The following PTPN3 variants were observed in gnomAD, a reference collection of about 807,000 sequenced individuals.
PTPN3 encodes tyrosine-protein phosphatase non-receptor type 3.
Under a neutral mutation model 132.7 loss-of-function variants are expected in PTPN3, and 96 were observed. The ratio of observed to expected loss-of-function variants is 0.72; its 90% confidence interval spans 0.61 to 0.86. The LOEUF (loss-of-function observed/expected upper bound fraction) is 0.86, where lower values mean the gene tolerates loss of function less well. PTPN3 is among the 40% of genes least tolerant of loss of function. The probability of loss-of-function intolerance (pLI) is 0.00; values close to 1 mark genes in which losing one functional copy is unlikely to be tolerated. For missense variants in PTPN3, 1,125 were observed against 1,159.6 expected (o/e 0.97, Z 0.43); for synonymous variants, 398 against 429.0 (o/e 0.93, Z 0.89).
chr9:109,511,001 G>A, the PTPN3 span, among the ~76,000 whole-genome samples: 1 of 152,080 alleles, frequency 6.6e-6, no homozygotes, highest in Non-Finnish European at 1.5e-5. Flanking sequence ...AAAAATCCAT[G>A]TAATCAATAT....
the PTPN3 span, among the ~76,000 whole-genome samples, chr9:109,505,772 CAG>C: frequency 6.7e-6 from 1 of 149,612 alleles, no homozygotes; most frequent in Non-Finnish European, 1.5e-5. Flanking sequence ...TTTTTTGAGA[CAG>C]AATCTCGCTC....
chr9:109,417,054 G>A (rs1350257003), intron 14 of PTPN3, among the ~76,000 whole-genome samples: 2 of 152,150 alleles, frequency 1.3e-5, no homozygotes, highest in Non-Finnish European at 2.9e-5. Context: ...TTTCTGCCAT[G>A]AAAGAAACTT....
chr9:109,521,887 A>G, the PTPN3 span, among the ~76,000 whole-genome samples: 1 of 152,232 alleles, frequency 6.6e-6, no homozygotes, highest in African/African-American at 2.4e-5. Flanking sequence ...TGAAAATCAT[A>G]GAAGGGACTC....
chr9:109,525,162 C>T, the PTPN3 span, among the ~76,000 whole-genome samples: 1 of 152,296 alleles, frequency 6.6e-6, no homozygotes, highest in East Asian at 1.9e-4. Flanking sequence ...AGTGATCCTT[C>T]TGCTTCAGCC....
intron 1 of PTPN3, among the ~76,000 whole-genome samples, chr9:109,492,959 C>T (rs1847526685): frequency 6.6e-6 from 1 of 152,214 alleles, no homozygotes; most frequent in Non-Finnish European, 1.5e-5. Context: ...TCTTTGTTTT[C>T]CAAACCAAAG....
intron 1 of PTPN3, among the ~76,000 whole-genome samples, chr9:109,469,785 G>A (rs1402513222): frequency 1.3e-5 from 2 of 152,100 alleles, no homozygotes; most frequent in East Asian, 1.9e-4. Context: ...TGAATCATGG[G>A]TGGCTCACTA....
chr9:109,407,496 A>G (rs997136494), intron 17 of PTPN3, among the ~76,000 whole-genome samples: 1 of 152,166 alleles, frequency 6.6e-6, no homozygotes, highest in African/African-American at 2.4e-5. Flanking sequence ...ATGCACAATA[A>G]AAAAATTAAA....
intron 1 of PTPN3, among the ~76,000 whole-genome samples, chr9:109,489,514 T>C (rs553288042): frequency 6.6e-6 from 1 of 152,276 alleles, no homozygotes; most frequent in African/African-American, 2.4e-5. Flanking sequence ...CGGATTTACC[T>C]AGGGCAGTCC....
intron 12 of PTPN3, among the ~76,000 whole-genome samples, chr9:109,426,328 A>T (rs1479695104): frequency 6.6e-6 from 1 of 150,440 alleles, no homozygotes; most frequent in Non-Finnish European, 1.5e-5. Context: ...ATAAATTTAC[A>T]TCCATTTCTT....
chr9:109,486,846 G>C (rs1243329925), intron 1 of PTPN3, among the ~76,000 whole-genome samples: 1 of 152,088 alleles, frequency 6.6e-6, no homozygotes. Context: ...GAGTTCTCAC[G>C]AGATCTGATG....
chr9:109,449,904 T>C (rs1845135774), intron 5 of PTPN3: 8 of 985,476 alleles, frequency 8.1e-6, no homozygotes, highest in Non-Finnish European at 9.6e-6. Flanking sequence ...ACCTCCTATT[T>C]GCACAGTTCC....
Position 109,406,401 on chromosome 9 carries a change from G to C in PTPN3, c.1792+61C>G, listed in dbSNP as rs1187588023. On this transcript the variant is annotated intron_variant, in intron 18 of 25. Coordinates refer to ENST00000374541, the MANE Select transcript of PTPN3 (RefSeq NM_002829.4). ...ATTTTCAAGAGCAGATAAAGGGCTG[G>C]AGCAGGCGCAGCTTGGCTAGGACAG... The C allele has an allele frequency of 6.4e-6, 10 of 1,555,190 alleles. No individual in the cohort carries two copies. The Admixed American group carries it at 1.4e-4, about 22-fold the overall frequency.
chr9:109,469,810 C>T (rs1164714676), intron 1 of PTPN3, among the ~76,000 whole-genome samples: 2 of 152,206 alleles, frequency 1.3e-5, no homozygotes, highest in African/African-American at 4.8e-5. Context: ...AATCAACCTA[C>T]ATCAAGCTGG....
At chr9:109,475,023 A>G (rs1354237113) in intron 1 of PTPN3, among the ~76,000 whole-genome samples, 1 of 152,200 alleles carries the variant, frequency 6.6e-6, no homozygotes, top group South Asian at 2.1e-4. Flanking sequence ...CAAAGGTTCA[A>G]TGGGTAGAAG....
chr9:109,415,036 G>GTCTGTCCGTCCGTCCA (rs1564413363), intron 14 of PTPN3, among the ~76,000 whole-genome samples: 1 of 145,696 alleles, frequency 6.9e-6, no homozygotes, highest in African/African-American at 2.6e-5. Flanking sequence ...CCGTCTGTCC[G>GTCTGTCCGTCCGTCCA]TCCGTCCGTC....
At chr9:109,462,099 G>A (rs1351594078) in intron 2 of PTPN3, among the ~76,000 whole-genome samples, 1 of 152,216 alleles carries the variant, frequency 6.6e-6, no homozygotes, top group African/African-American at 2.4e-5. Flanking sequence ...GGTGCTCGTG[G>A]AAGAGTGGGG....
intron 25 of PTPN3, among the ~76,000 whole-genome samples, chr9:109,380,214 AATCTATCTATCTATCTATCTATCTATCT>A (rs55963327): frequency 1.4e-5 from 2 of 145,790 alleles, no homozygotes; most frequent in African/African-American, 2.6e-5. Context: ...CAGCTAGGAA[AATCTATCTATCTATCTATCTATCTATCT>A]ATCTATCTAT....
chr9:109,534,622 CA>C, the PTPN3 span, among the ~76,000 whole-genome samples: 66,536 of 107,008 alleles, frequency 0.62, 18,242 homozygotes, highest in East Asian at 0.86. Context: ...ACTAAAAATA[CA>C]AAAAAATACA....
chr9:109,436,430 A>G (rs576375286), intron 9 of PTPN3, among the ~76,000 whole-genome samples: 1 of 152,340 alleles, frequency 6.6e-6, no homozygotes, highest in East Asian at 1.9e-4. Context: ...AGTAGCCACA[A>G]CTAATTTCAA....
Sources: allele counts gnomAD v4.1 joint callset (sites outside exome capture counted in the v4.1 genomes callset), GRCh38; gene constraint gnomAD v4.1.1; transcripts MANE v1.5; gene names NCBI Gene and HGNC (gene_info 2026-07-23, HGNC 2026-07-21).